Variants in GPLD1 observed in about 807,000 individuals in gnomAD.
GPLD1 encodes the protein phosphatidylinositol-glycan-specific phospholipase D.
Under a neutral mutation model 112.6 loss-of-function variants are expected in GPLD1, and 84 were observed. That is an observed-to-expected ratio of 0.75 (90% CI 0.63 to 0.89). GPLD1 has a LOEUF of 0.89. Ranked by LOEUF, GPLD1 falls within the 40% of genes least tolerant of loss-of-function variation. The pLI, the probability that GPLD1 is intolerant of heterozygous loss-of-function variation, is 0.00. For missense variants in GPLD1, 1,044 were observed against 1,051.5 expected (o/e 0.99, Z 0.10); for synonymous variants, 386 against 403.8 (o/e 0.96, Z 0.53).
intron 3 of GPLD1, among the ~76,000 whole-genome samples, chr6:24,477,820 G>C (rs948935684): frequency 6.6e-6 from 1 of 152,224 alleles, no homozygotes; most frequent in Non-Finnish European, 1.5e-5. Context: ...AAGATGCAAT[G>C]AAAGTGAATC....
rs1258482787 is a variant in GPLD1 at position 24,460,308 on chromosome 6, C to T, written c.979G>A (p.Val327Met). The change falls in exon 12 of 25, where the codon GTG becomes ATG. Residue 327 changes from valine to methionine, a missense_variant. By Grantham distance (21) the Val-to-Met change is conservative (BLOSUM62 1). Transcript: ENST00000230036. ...GTCCAGGAATTTACACTAAAGAACA[C>T]TCCTCTTTCAGTATAGTTTATATTC... ...DRNINYTERG[V>M]FFSVNSWTPD... The T allele has an allele frequency of 1.9e-6, 3 of 1,613,170 alleles. No homozygotes were observed. The highest frequency in any genetic ancestry group is 2.2e-5 in the East Asian group (1 of 44,888).
Position 24,488,668 on chromosome 6 carries a change from C to A in GPLD1, c.97+747G>T, listed in dbSNP as rs1432371838. On this transcript the variant is annotated intron_variant, in intron 1 of 24. Transcript: ENST00000230036. ...TGTTAATTAGCTTGATTGTGCTAAT[C>A]ATTTCACAAGGCATACATATATCAA... Among the ~76,000 whole-genome samples, 3 of 152,266 alleles carry A rather than the reference C, an allele frequency of 2.0e-5. No homozygotes were observed. The East Asian group carries it at 5.8e-4, about 29-fold the overall frequency.
chr6:24,433,842 A>C (rs1477618175), intron 22 of GPLD1, among the ~76,000 whole-genome samples: 1 of 152,032 alleles, frequency 6.6e-6, no homozygotes, highest in Non-Finnish European at 1.5e-5. Context: ...ATGCCCTTTG[A>C]CCCCAGAAAT....
intron 1 of GPLD1, among the ~76,000 whole-genome samples, chr6:24,487,492 G>A (rs1581792901): frequency 1.3e-5 from 2 of 148,226 alleles, no homozygotes; most frequent in South Asian, 4.3e-4. Flanking sequence ...CAATTATCTG[G>A]TTTTATTAAA....
chr6:24,434,015 A>G (rs1659445991), intron 22 of GPLD1, among the ~76,000 whole-genome samples: 1 of 152,194 alleles, frequency 6.6e-6, no homozygotes, highest in African/African-American at 2.4e-5. Context: ...TCTGTAGATA[A>G]AATACTCATC....
At chr6:24,442,323 A>G (rs1286826241) in intron 20 of GPLD1, among the ~76,000 whole-genome samples, 1 of 147,048 alleles carries the variant, frequency 6.8e-6, no homozygotes, top group East Asian at 2.2e-4. Context: ...GTCTCCCTAT[A>G]TTGTCCAGGC....
rs1762224530 is a variant in GPLD1, at chr6:24,425,997, G to C, written c.*3035C>G. On this transcript the variant is annotated 3_prime_UTR_variant, in exon 25 of 25. Coordinates refer to ENST00000230036, the MANE Select transcript of GPLD1 (RefSeq NM_001503.4). The stretch of plus-strand genomic sequence containing the variant: ...GATGGTACATGGAGTAGGGACTGCA[G>C]AGACCCTAGTTTTGTCCCCACTCCA... The C allele has an allele frequency of 6.6e-6, 1 of 152,184 alleles. No homozygotes were observed. Among genetic ancestry groups the C allele is most frequent in the South Asian group, 2.1e-4 (1 of 4,828 alleles). 9.4% of individuals were successfully genotyped at this position (152,184 alleles called of 1,614,324 possible).
chr6:24,479,821 T>C, intron 3 of GPLD1, 60 bp downstream of exon 3: 4 of 870,702 alleles, frequency 4.6e-6, no homozygotes, highest in East Asian at 2.4e-5. Context: ...TTTAAAGTCA[T>C]AGCTATTCCT....
intron 12 of GPLD1, among the ~76,000 whole-genome samples, 167 bp downstream of exon 12, chr6:24,460,112 G>T (rs568659073): frequency 1.3e-5 from 2 of 152,168 alleles, no homozygotes; most frequent in South Asian, 4.2e-4. Flanking sequence ...TGCCCAGACA[G>T]GTCTCAAACT....
intron 2 of GPLD1, among the ~76,000 whole-genome samples, chr6:24,484,879 T>C (rs1392634852): frequency 2.6e-5 from 4 of 152,220 alleles, no homozygotes; most frequent in East Asian, 3.8e-4. Flanking sequence ...GCTTCCCAAA[T>C]GGATTATGAA....
chr6:24,440,389 A>G (rs1762707019), intron 20 of GPLD1, among the ~76,000 whole-genome samples: 1 of 152,140 alleles, frequency 6.6e-6, no homozygotes, highest in Non-Finnish European at 1.5e-5. Context: ...GGTAACAGTG[A>G]GCTGTGATCA....
chr6:24,432,468 G>A (rs1206965547), intron 24 of GPLD1, among the ~76,000 whole-genome samples: 1 of 152,038 alleles, frequency 6.6e-6, no homozygotes, highest in Non-Finnish European at 1.5e-5. Flanking sequence ...GGGCCTGGTG[G>A]TGGGCACCTG....
At chr6:24,473,491 G>T in intron 6 of GPLD1, 128 bp downstream of exon 6, 1 of 602,220 alleles carries the variant, frequency 1.7e-6, no homozygotes, top group South Asian at 2.3e-5. Context: ...TAAATGAACT[G>T]CAACATTAAA....
chr6:24,475,553 ACCAC>A (rs1018747364), intron 4 of GPLD1, among the ~76,000 whole-genome samples: 2 of 130,506 alleles, frequency 1.5e-5, no homozygotes, highest in African/African-American at 5.6e-5. Flanking sequence ...AAAAAAAAAA[ACCAC>A]ACACAGGCCG....
At chr6:24,430,292 G>A (rs1287554560) in intron 24 of GPLD1, among the ~76,000 whole-genome samples, 2 of 152,104 alleles carry the variant, frequency 1.3e-5, no homozygotes, top group African/African-American at 2.4e-5. Flanking sequence ...ATGCAGCTCC[G>A]GGCCCATGAT....
chr6:24,479,936 C>A lies in GPLD1; in HGVS notation c.177G>T (p.Ala59=). ...CAGGAAACACGATTCCAGCCTGATACGCATCCTGGTGTTCTAGTAACAGCT... is the reference window on the plus strand; with the variant it reads ...CAGGAAACACGATTCCAGCCTGATAAGCATCCTGGTGTTCTAGTAACAGCT... The part of the protein sequence containing the change: ...YRELLLEHQD[A]YQAGIVFPDC... Residue 59 remains alanine, a synonymous_variant, in exon 3 of 25, where the codon GCG becomes GCT. Coordinates refer to ENST00000230036, the MANE Select transcript of GPLD1 (RefSeq NM_001503.4). 4 of 1,608,702 alleles carry A rather than the reference C, an allele frequency of 2.5e-6. No individual in the cohort carries two copies. Among genetic ancestry groups the A allele is most frequent in the East Asian group, 2.2e-5 (1 of 44,854 alleles).
chr6:24,481,689 C>G (rs1764208976), intron 2 of GPLD1, among the ~76,000 whole-genome samples: 1 of 152,138 alleles, frequency 6.6e-6, no homozygotes, highest in Admixed American at 6.6e-5. Context: ...TGCCCTCTTC[C>G]CCTTGTGGCT....
At chr6:24,432,461 C>A (rs1762436112) in intron 24 of GPLD1, among the ~76,000 whole-genome samples, 1 of 151,850 alleles carries the variant, frequency 6.6e-6, no homozygotes, top group African/African-American at 2.4e-5. Context: ...AATAGCTGGG[C>A]CTGGTGGTGG....
At chr6:24,434,152 C>T (rs1762495856) in intron 22 of GPLD1, among the ~76,000 whole-genome samples, 1 of 152,034 alleles carries the variant, frequency 6.6e-6, no homozygotes, top group South Asian at 2.1e-4. Flanking sequence ...AATCCCAGCA[C>T]TTTGGGAGGC....
Sources: allele counts gnomAD v4.1 joint callset (sites outside exome capture counted in the v4.1 genomes callset), GRCh38; gene constraint gnomAD v4.1.1; transcripts MANE v1.5; gene names NCBI Gene and HGNC (gene_info 2026-07-23, HGNC 2026-07-21).